CCAR1: variants seen among roughly 807,000 people sequenced by gnomAD.
CCAR1 encodes the protein cell division cycle and apoptosis regulator 1.
A neutral mutation model predicts 163.8 loss-of-function variants in CCAR1; 78 were observed. The ratio of observed to expected loss-of-function variants is 0.48; its 90% CI spans 0.40 to 0.57. The LOEUF is 0.57. Among genes scored for constraint, CCAR1 ranks in the 20% least tolerant of loss-of-function variants. The pLI is 0.00. For missense variants in CCAR1, 1,019 were observed against 1,365.2 expected (o/e 0.75, Z 4.00); for synonymous variants, 443 against 460.7 (o/e 0.96, Z 0.49).
At position 68,722,548 on chromosome 10, in the gene CCAR1, A is replaced by G. The variant is rs1335968499; in HGVS notation, c.44A>G (p.Gln15Arg). ...GGQKNPPWAT[Q>R]FTATAVSQPA... ...CAGAAGAATCCGCCATGGGCTACTC[A>G]GTTTACAGCCACTGCAGTATCACAG... Residue 15 changes from glutamine to arginine, a missense_variant, in exon 2 of 25, where the codon CAG becomes CGG. Transcript: ENST00000265872. 6.2e-7 allele frequency: 1 copy of G among 1,613,880 alleles called. No individual in the cohort carries two copies. The highest frequency in any genetic ancestry group is 8.5e-7 in the Non-Finnish European group (1 of 1,179,796).
At chr10:68,778,832 A>G (rs1407546342) in intron 19 of CCAR1, among the ~76,000 whole-genome samples, 1 of 151,866 alleles carries the variant, frequency 6.6e-6, no homozygotes, top group Non-Finnish European at 1.5e-5. Context: ...TGATCCTGTT[A>G]AGTTTCCTGG....
chr10:68,732,682 A>G lies in CCAR1; in HGVS notation c.74-4194A>G, dbSNP rs551544999. Among the ~76,000 whole-genome samples the G allele has an allele frequency of 2.0e-5, 3 of 152,270 alleles. No homozygotes were observed. In the East Asian group the frequency reaches 5.8e-4, roughly 29 times the overall value. ...TGTTCTTAACCTTTCTAGGGCCTAT[A>G]TATAATCCTTTTGAAAATCGGATGA... On this transcript the variant is annotated intron_variant, in intron 2 of 24. Coordinates refer to ENST00000265872, the MANE Select transcript of CCAR1 (RefSeq NM_018237.4).
intron 2 of CCAR1, among the ~76,000 whole-genome samples, chr10:68,727,844 C>T (rs1369942217): frequency 6.6e-6 from 1 of 152,102 alleles, no homozygotes. Context: ...TGGAGTCTCG[C>T]TCTGTCTGCT....
rs199853073 is a variant in CCAR1, at chr10:68,737,826, T to A, written c.247-19T>A. 83 of 1,434,868 alleles carry A rather than the reference T, an allele frequency of 5.8e-5. No individual in the cohort carries two copies. The highest frequency in any genetic ancestry group is 2.2e-4 in the South Asian group (17 of 78,338). The allele number at this position is 1,434,868 out of a possible 1,614,324, so 88.9% of individuals were successfully genotyped here. A position where few individuals can be genotyped will look rare whatever the true frequency, so the allele number is the denominator to read the frequency against. ...AGTGTCTGTATTTTTCTTTGAAAAA[T>A]TTTTTTTTAATCTTTCAGCAATATT... On this transcript the variant is annotated intron_variant, in intron 3 of 24. Coordinates refer to ENST00000265872, the MANE Select transcript of CCAR1 (RefSeq NM_018237.4).
At chr10:68,769,264 A>G (rs190975822) in intron 17 of CCAR1, among the ~76,000 whole-genome samples, 31 of 152,232 alleles carry the variant, frequency 2.0e-4, no homozygotes, top group African/African-American at 7.5e-4. Flanking sequence ...ACGAACCACC[A>G]TGCGTGGCCC....
At position 68,742,413 on chromosome 10, in the gene CCAR1, C is replaced by T. The variant is rs2056194790; in HGVS notation, c.362C>T (p.Thr121Ile). 1 of 1,614,018 alleles carries T rather than the reference C, an allele frequency of 6.2e-7. No individual in the cohort carries two copies. The highest frequency in any genetic ancestry group is 2.2e-5 in the East Asian group (1 of 44,880). The stretch of plus-strand genomic sequence containing the variant: ...CTGCCTACAAGCCTTAGCCTGTCTA[C>T]TCCTCAGCCAACAGCACAAATAACT... ...VALPTSLSLS[T>I]PQPTAQITVS... Residue 121 changes from threonine to isoleucine, a missense_variant, in exon 6 of 25, where the codon ACT becomes ATT. Around this residue, in one of 4 missense-constraint regions of CCAR1, gnomAD observed 644 missense variants for 904.4 expected, o/e 0.71. Coordinates refer to ENST00000265872, the MANE Select transcript of CCAR1 (RefSeq NM_018237.4).
chr10:68,751,610 C>T (rs944802692), intron 10 of CCAR1, among the ~76,000 whole-genome samples: 2 of 151,912 alleles, frequency 1.3e-5, no homozygotes, highest in East Asian at 4.0e-4. Context: ...CGCCTGTAAT[C>T]CCAGCACTTC....
Position 68,722,581 on chromosome 10 carries a change from A to G in CCAR1, c.73+4A>G. 1 of 1,606,522 alleles carries G rather than the reference A, an allele frequency of 6.2e-7. No homozygotes were observed. Among genetic ancestry groups the G allele is most frequent in the Middle Eastern group, 1.7e-4 (1 of 6,052 alleles). Reference sequence around the variant, plus strand: ...GCCACTGCAGTATCACAGCCAGGTCAGGCTTCTAAATACATGTACTGTAAT... The same window carrying G: ...GCCACTGCAGTATCACAGCCAGGTCGGGCTTCTAAATACATGTACTGTAAT... On this transcript the variant is annotated splice_donor_region_variant and intron_variant, in intron 2 of 24. Transcript: ENST00000265872.
intron 16 of CCAR1, among the ~76,000 whole-genome samples, chr10:68,762,544 T>TA (rs1384588658): frequency 7.2e-5 from 11 of 152,306 alleles, no homozygotes; most frequent in Admixed American, 5.2e-4. Context: ...ATAAGCCTGT[T>TA]ACTTGTTTTC....
At chr10:68,754,264 G>A (rs529697033) in intron 11 of CCAR1, among the ~76,000 whole-genome samples, 187 bp downstream of exon 11, 1 of 152,298 alleles carries the variant, frequency 6.6e-6, no homozygotes, top group Non-Finnish European at 1.5e-5. Flanking sequence ...CTCTTGAGCT[G>A]TAAAACTAGT....
chr10:68,751,716 T>C (rs1020674688), intron 10 of CCAR1, among the ~76,000 whole-genome samples: 2 of 151,072 alleles, frequency 1.3e-5, no homozygotes, highest in Non-Finnish European at 1.5e-5. Context: ...ATAAAAAAAT[T>C]AGCTGGGCGT....
intron 18 of CCAR1, among the ~76,000 whole-genome samples, 195 bp from the exon 19 acceptor site, chr10:68,772,793 A>G (rs2056619282): frequency 6.7e-6 from 1 of 149,810 alleles, no homozygotes; most frequent in African/African-American, 2.4e-5. Context: ...GTAATAATAT[A>G]TAATAATTGT....
chr10:68,760,836 C>T (rs1192559223), intron 15 of CCAR1, 171 bp from the exon 16 acceptor site: 1 of 430,998 alleles, frequency 2.3e-6, no homozygotes. Flanking sequence ...TGCACTCCAG[C>T]CTGGGCGACA....
At position 68,747,544 on chromosome 10, in the gene CCAR1, A is replaced by T. The variant is rs1336503943; in HGVS notation, c.804A>T (p.Leu268Phe). Reference protein sequence around the residue: ...TPLLQTQPQPLLQQPQQKAGL... With the variant: ...TPLLQTQPQPFLQQPQQKAGL... ...TATTGCAGACTCAACCACAGCCCTT[A>T]TTACAGCAGCCTCAGCAAAAAGGTA... Residue 268 changes from leucine to phenylalanine, a missense_variant, in exon 8 of 25, where the codon TTA becomes TTT. Around this residue, in one of 4 missense-constraint regions of CCAR1, gnomAD observed 644 missense variants for 904.4 expected, o/e 0.71. Coordinates refer to ENST00000265872, the MANE Select transcript of CCAR1 (RefSeq NM_018237.4). The T allele has an allele frequency of 6.2e-7, 1 of 1,613,330 alleles. No homozygotes were observed. The highest frequency in any genetic ancestry group is 1.1e-5 in the South Asian group (1 of 90,838).
intron 16 of CCAR1, among the ~76,000 whole-genome samples, chr10:68,763,295 C>T (rs1232852471): frequency 6.6e-6 from 1 of 151,884 alleles, no homozygotes; most frequent in African/African-American, 2.4e-5. Flanking sequence ...GGACTACAGG[C>T]ATGCACCACC....
chr10:68,742,435 A>T lies in CCAR1; in HGVS notation c.384A>T (p.Ile128=), dbSNP rs200363269. Residue 128 remains isoleucine (I), a synonymous_variant, in exon 6 of 25, where the codon ATA becomes ATT. Transcript: ENST00000265872. ...SLSTPQPTAQ[I]TVSYPTPRSS... ...CTACTCCTCAGCCAACAGCACAAAT[A>T]ACTGTATCATATCCAACACCAAGGT... The T allele has an allele frequency of 2.5e-6, 4 of 1,614,192 alleles. No homozygotes were observed. Among genetic ancestry groups the T allele is most frequent in the Admixed American group, 1.7e-5 (1 of 60,016 alleles).
chr10:68,729,741 G>C (rs2056007576), intron 2 of CCAR1, among the ~76,000 whole-genome samples: 1 of 151,334 alleles, frequency 6.6e-6, no homozygotes, highest in South Asian at 2.1e-4. Context: ...TCTTGGGTCA[G>C]TTTGAAATTT....
intron 1 of CCAR1, 22 bp from the exon 2 acceptor site, chr10:68,722,433 A>G (rs758143149): frequency 8.2e-7 from 1 of 1,217,652 alleles, no homozygotes; most frequent in Non-Finnish European, 1.2e-6. Flanking sequence ...GGACTTTAAA[A>G]TGTGGATCCT....
chr10:68,750,518 C>T (rs898968803), intron 10 of CCAR1, among the ~76,000 whole-genome samples: 2 of 152,146 alleles, frequency 1.3e-5, no homozygotes, highest in Non-Finnish European at 2.9e-5. Flanking sequence ...AGCTACTGCT[C>T]CTGGCCAAGT....
Sources: allele counts gnomAD v4.1 joint callset (sites outside exome capture counted in the v4.1 genomes callset), GRCh38; gene constraint gnomAD v4.1.1; regional missense constraint gnomAD v4.1.1; transcripts MANE v1.5; gene names NCBI Gene and HGNC (gene_info 2026-07-23, HGNC 2026-07-21).